GPC5: variants seen among roughly 807,000 people sequenced by gnomAD.
GPC5 encodes glypican 5.
Under a neutral mutation model 53.9 loss-of-function variants are expected in GPC5, and 47 were observed. That is an observed-to-expected ratio of 0.87 (90% CI 0.69 to 1.11). The LOEUF is 1.11. Ranked by LOEUF, GPC5 falls within the 50% of genes most tolerant of loss-of-function variation. The pLI is 0.00. For synonymous variants in GPC5, 286 were observed against 263.3 expected (o/e 1.09, Z -0.84); for missense variants, 748 against 713.1 (o/e 1.05, Z -0.56).
chr13:92,174,037 A>G (rs1336581023), intron 7 of GPC5, among the ~76,000 whole-genome samples: 5 of 152,080 alleles, frequency 3.3e-5, no homozygotes, highest in Admixed American at 1.3e-4. Flanking sequence ...TCCAGGAGAC[A>G]GAGGTTTCAG....
intron 2 of GPC5, among the ~76,000 whole-genome samples, chr13:91,661,050 G>A (rs962950751): frequency 6.6e-6 from 1 of 152,016 alleles, no homozygotes; most frequent in African/African-American, 2.4e-5. Context: ...GTGGAATAAG[G>A]GCAGATTCTA....
chr13:92,038,518 C>T lies in GPC5; in HGVS notation c.1402-106312C>T, dbSNP rs558198430. Among the ~76,000 whole-genome samples the T allele has an allele frequency of 4.7e-5, 7 of 150,318 alleles. No individual in the cohort carries two copies. The South Asian group carries it at 1.5e-3, about 31-fold the overall frequency. Reference sequence around the variant, plus strand: ...AAGTGCTTAATGAATATTTCCTCCTCAATGTACAATAAACTATATATATTC... The same window carrying T: ...AAGTGCTTAATGAATATTTCCTCCTTAATGTACAATAAACTATATATATTC... On this transcript the variant is annotated intron_variant, in intron 6 of 7. Transcript: ENST00000377067.
intron 7 of GPC5, among the ~76,000 whole-genome samples, chr13:92,607,989 T>C (rs1401414976): frequency 1.3e-5 from 2 of 152,232 alleles, no homozygotes; most frequent in African/African-American, 4.8e-5. Flanking sequence ...TTCCACTTAA[T>C]GAATAGTAAA....
At chr13:91,503,870 T>G (rs1487558173) in intron 2 of GPC5, among the ~76,000 whole-genome samples, 1 of 150,236 alleles carries the variant, frequency 6.7e-6, no homozygotes, top group Admixed American at 6.7e-5. Context: ...ACCATACTAT[T>G]CTGGCCAAGA....
At chr13:91,510,060 A>G (rs1885155735) in intron 2 of GPC5, among the ~76,000 whole-genome samples, 1 of 152,116 alleles carries the variant, frequency 6.6e-6, no homozygotes, top group African/African-American at 2.4e-5. Flanking sequence ...AACATACTAT[A>G]TATAAAGTTT....
intron 5 of GPC5, among the ~76,000 whole-genome samples, chr13:91,794,653 T>C (rs2038019798): frequency 6.6e-6 from 1 of 152,234 alleles, no homozygotes; most frequent in Non-Finnish European, 1.5e-5. Context: ...CTAAAATAAA[T>C]ATTTAAACAG....
chr13:92,274,183 A>T (rs2042859310), intron 7 of GPC5, among the ~76,000 whole-genome samples: 1 of 152,188 alleles, frequency 6.6e-6, no homozygotes, highest in South Asian at 2.1e-4. Context: ...ATTTTATTCT[A>T]GGCATGATTT....
chr13:92,295,670 A>G (rs2043029514), intron 7 of GPC5, among the ~76,000 whole-genome samples: 1 of 152,170 alleles, frequency 6.6e-6, no homozygotes, highest in African/African-American at 2.4e-5. Flanking sequence ...TAGAATTGTG[A>G]CAGTTTTCTG....
chr13:92,182,212 C>A (rs138424738), intron 7 of GPC5, among the ~76,000 whole-genome samples: 2 of 152,162 alleles, frequency 1.3e-5, no homozygotes, highest in Admixed American at 1.3e-4. Context: ...GATTATTCCT[C>A]CCTTACAGCT....
intron 7 of GPC5, among the ~76,000 whole-genome samples, chr13:92,725,029 A>C (rs1265855516): frequency 6.6e-6 from 1 of 151,602 alleles, no homozygotes; most frequent in Non-Finnish European, 1.5e-5. Flanking sequence ...TATGGAGTAG[A>C]CGTTAAGTCA....
intron 2 of GPC5, among the ~76,000 whole-genome samples, chr13:91,452,254 G>A (rs1224870827): frequency 2.0e-5 from 3 of 151,998 alleles, no homozygotes; most frequent in Non-Finnish European, 2.9e-5. Flanking sequence ...GAAGTGCTGG[G>A]ATTATAGGCA....
At chr13:91,875,973 G>C (rs905121016) in intron 5 of GPC5, among the ~76,000 whole-genome samples, 2 of 152,204 alleles carry the variant, frequency 1.3e-5, no homozygotes, top group African/African-American at 4.8e-5. Flanking sequence ...GGAGGTAATT[G>C]AATCATTGAG....
chr13:92,783,890 T>TA (rs1390350111), intron 7 of GPC5, among the ~76,000 whole-genome samples: 1 of 152,184 alleles, frequency 6.6e-6, no homozygotes, highest in East Asian at 1.9e-4. Context: ...TTTTAATTTT[T>TA]AGAAAGAAAA....
At chr13:91,782,541 G>A (rs944034356) in intron 5 of GPC5, among the ~76,000 whole-genome samples, 2 of 152,062 alleles carry the variant, frequency 1.3e-5, no homozygotes, top group South Asian at 2.1e-4. Context: ...AGAATAGCAT[G>A]GGGGAACCGC....
chr13:92,053,905 G>A (rs935711477), intron 6 of GPC5, among the ~76,000 whole-genome samples: 42 of 151,816 alleles, frequency 2.8e-4, no homozygotes, highest in African/African-American at 9.4e-4. Context: ...GGTGGGAGGC[G>A]CCTGTAATCC....
intron 6 of GPC5, among the ~76,000 whole-genome samples, chr13:91,932,006 C>G (rs1011992185): frequency 1.1e-4 from 16 of 151,950 alleles, no homozygotes; most frequent in African/African-American, 3.6e-4. Flanking sequence ...CACCCTATAC[C>G]CTATAAATAT....
intron 6 of GPC5, among the ~76,000 whole-genome samples, chr13:92,054,124 TAAATA>T (rs2041054529): frequency 6.7e-6 from 1 of 149,134 alleles, no homozygotes; most frequent in Admixed American, 6.8e-5. Flanking sequence ...ATAGACATCT[TAAATA>T]TAATAAATTA....
chr13:91,964,527 A>G (rs2139080890), intron 6 of GPC5, among the ~76,000 whole-genome samples: 1 of 152,306 alleles, frequency 6.6e-6, no homozygotes, highest in Non-Finnish European at 1.5e-5. Context: ...TCCTTTAGCT[A>G]AACAGAAATG....
At chr13:91,478,902 T>TATATATATATATAC (rs201918417) in intron 2 of GPC5, among the ~76,000 whole-genome samples, 30 of 90,308 alleles carry the variant, frequency 3.3e-4, no homozygotes, top group Admixed American at 1.5e-3. Context: ...TATATATATA[T>TATATATATATATAC]GCACATATAT....
Sources: gnomAD v4.1 joint callset for allele counts (sites outside exome capture counted in the v4.1 genomes callset) on GRCh38, gnomAD v4.1.1 for gene constraint, MANE v1.5 for transcripts, NCBI Gene and HGNC (gene_info 2026-07-23, HGNC 2026-07-21) for gene names.